EEF1E1: variants seen among roughly 807,000 people sequenced by gnomAD.
EEF1E1 encodes eukaryotic translation elongation factor 1 epsilon 1.
In EEF1E1, 19 loss-of-function variants were observed where a neutral mutation model predicts 19.9. The observed-to-expected ratio is 0.95, with a 90% confidence interval of 0.66 to 1.40. The LOEUF (loss-of-function observed/expected upper bound fraction) is 1.40, where lower values mean the gene tolerates loss of function less well. Among genes scored for constraint, EEF1E1 ranks in the 40% most tolerant of loss-of-function variants. The pLI is 0.00. For synonymous variants in EEF1E1, 81 were observed against 80.0 expected (o/e 1.01, Z -0.07); for missense variants, 198 against 202.2 (o/e 0.98, Z 0.13).
chr6:8,085,254 C>T (rs1362478686), intron 3 of EEF1E1, among the ~76,000 whole-genome samples: 2 of 151,998 alleles, frequency 1.3e-5, no homozygotes, highest in Non-Finnish European at 2.9e-5. Context: ...CTCAGAAGAT[C>T]CTCCTACCTC....
intron 3 of EEF1E1, among the ~76,000 whole-genome samples, chr6:8,086,880 T>C (rs1757871907): frequency 6.6e-6 from 1 of 152,174 alleles, no homozygotes; most frequent in South Asian, 2.1e-4. Context: ...GCTACAATCA[T>C]TGAGTCAAAC....
At chr6:8,099,940 A>G (rs558403791) in intron 1 of EEF1E1, among the ~76,000 whole-genome samples, 21 of 146,218 alleles carry the variant, frequency 1.4e-4, no homozygotes, top group African/African-American at 5.4e-4. Context: ...TATCCTAGAT[A>G]AGGATCTCTG....
At chr6:8,080,504 C>A (rs1028312523) in intron 3 of EEF1E1, among the ~76,000 whole-genome samples, 1 of 152,188 alleles carries the variant, frequency 6.6e-6, no homozygotes, top group African/African-American at 2.4e-5. Context: ...TGCATGAGAA[C>A]AGACCTTCAT....
chr6:8,084,452 C>A (rs1757795668), intron 3 of EEF1E1, among the ~76,000 whole-genome samples: 1 of 152,162 alleles, frequency 6.6e-6, no homozygotes, highest in Non-Finnish European at 1.5e-5. Context: ...TACTGCAAAA[C>A]CTGCATAAGC....
intron 3 of EEF1E1, among the ~76,000 whole-genome samples, chr6:8,084,997 C>A (rs914772496): frequency 6.6e-6 from 1 of 152,060 alleles, no homozygotes; most frequent in African/African-American, 2.4e-5. Flanking sequence ...CATATTGAAC[C>A]TAGCATGGAA....
At chr6:8,101,243 A>AATATATATAT (rs1216617377) in intron 1 of EEF1E1, among the ~76,000 whole-genome samples, 4 of 58,454 alleles carry the variant, frequency 6.8e-5, no homozygotes, top group South Asian at 7.4e-4. Context: ...AAAAAAAAAA[A>AATATATATAT]ATATATATAT....
chr6:8,087,756 G>T (rs1757901670), intron 3 of EEF1E1, among the ~76,000 whole-genome samples: 1 of 152,192 alleles, frequency 6.6e-6, no homozygotes, highest in South Asian at 2.1e-4. Flanking sequence ...ATGAACAAAA[G>T]ATTCTAAATA....
At chr6:8,083,690 G>A (rs1430452343) in intron 3 of EEF1E1, among the ~76,000 whole-genome samples, 2 of 152,200 alleles carry the variant, frequency 1.3e-5, no homozygotes, top group Non-Finnish European at 2.9e-5. Flanking sequence ...TGACTCGAAG[G>A]TTCCTTGACT....
At chr6:8,083,148 G>T (rs1008961708) in intron 3 of EEF1E1, among the ~76,000 whole-genome samples, 1 of 152,168 alleles carries the variant, frequency 6.6e-6, no homozygotes, top group African/African-American at 2.4e-5. Flanking sequence ...TTAAAGCCAA[G>T]CAGATAATAT....
intron 3 of EEF1E1, among the ~76,000 whole-genome samples, chr6:8,073,741 T>C (rs559377170): frequency 6.6e-6 from 1 of 152,366 alleles, no homozygotes; most frequent in East Asian, 1.9e-4. Flanking sequence ...GAAATTGTAT[T>C]ATATCCCAAT....
chr6:8,086,274 T>C (rs1757851422), intron 3 of EEF1E1, among the ~76,000 whole-genome samples: 1 of 151,642 alleles, frequency 6.6e-6, no homozygotes, highest in Non-Finnish European at 1.5e-5. Context: ...AGCCCAGGAG[T>C]TCTGGAGGGA....
rs577196101 is a variant in EEF1E1, at chr6:8,090,446, G to T, written c.289-165C>A. On this transcript the variant is annotated intron_variant, in intron 2 of 3. Transcript: ENST00000379715. ...ATTCATTCAAAATCACAAATAATAC[G>T]CCAGTCACCTCATTTTAAAAAAATT... Among the ~76,000 whole-genome samples, 19 of 151,868 alleles carry T rather than the reference G, an allele frequency of 1.3e-4. No homozygotes were observed. In the South Asian group the frequency reaches 3.9e-3, roughly 32 times the overall value.
chr6:8,084,689 T>G (rs1019384048), intron 3 of EEF1E1, among the ~76,000 whole-genome samples: 5 of 152,210 alleles, frequency 3.3e-5, no homozygotes, highest in African/African-American at 1.2e-4. Flanking sequence ...AAGTTAAATG[T>G]CAAACCATAT....
rs1389450612 is a variant in EEF1E1 at position 8,090,210 on chromosome 6, C to T, written c.360G>A (p.Leu120=). 3.3e-6 allele frequency: 5 copies of T among 1,527,328 alleles called. No homozygotes were observed. Among genetic ancestry groups the T allele is most frequent in the East Asian group, 2.5e-5 (1 of 39,858 alleles). The allele number at this position is 1,527,328 out of a possible 1,614,324, so 94.6% of individuals were successfully genotyped here. ...CTATAAAGCGATGAAGTCCATAGTACAATAGTATATCTGCTAATGTAAAGT... is the reference window on the plus strand; with the variant it reads ...CTATAAAGCGATGAAGTCCATAGTATAATAGTATATCTGCTAATGTAAAGT... ...GYNFTLADIL[L]YYGLHRFIVD... is the part of the protein sequence containing the mutation. The change falls in exon 3 of 4, where the codon TTG becomes TTA. Residue 120 remains leucine, a synonymous_variant. Coordinates refer to ENST00000379715, the MANE Select transcript of EEF1E1 (RefSeq NM_004280.5).
At chr6:8,083,800 G>A (rs754778711) in intron 3 of EEF1E1, among the ~76,000 whole-genome samples, 5 of 152,178 alleles carry the variant, frequency 3.3e-5, no homozygotes, top group Non-Finnish European at 7.4e-5. Flanking sequence ...TATTGCCAAA[G>A]CAAACAAAGC....
rs575826954 is a variant in EEF1E1 at position 8,102,509 on chromosome 6, C to A, written c.13G>T (p.Ala5Ser). MAAA[A>S]ELSLLEKSLG... ...GACTTCTCCAGTAGCGACAACTCTG[C>A]GGCCGCCGCCATCTTCCGGCCGTAG... The change falls in exon 1 of 4, where the codon GCA becomes TCA. Residue 5 changes from alanine to serine, a missense_variant. Transcript: ENST00000379715. 4 of 1,610,866 alleles carry A rather than the reference C, an allele frequency of 2.5e-6. No individual in the cohort carries two copies. In the South Asian group the frequency reaches 3.3e-5, roughly 13 times the overall value.
rs199998869 is a variant in EEF1E1, at chr6:8,102,548, C to T, written c.-27G>A. ...TTCCGGCCGTAGCTCCTGGCAGACG[C>T]GAGACCTGCAGAACAAGAACCTCCC... On this transcript the variant is annotated 5_prime_UTR_variant, in exon 1 of 4. Coordinates refer to ENST00000379715, the MANE Select transcript of EEF1E1 (RefSeq NM_004280.5). 3.1e-6 allele frequency: 5 copies of T among 1,605,176 alleles called. No homozygotes were observed. The highest frequency in any genetic ancestry group is 4.2e-6 in the Non-Finnish European group (5 of 1,178,614).
chr6:8,082,082 A>G (rs921764959), intron 3 of EEF1E1, among the ~76,000 whole-genome samples: 2 of 152,346 alleles, frequency 1.3e-5, no homozygotes, highest in African/African-American at 4.8e-5. Context: ...GAGGACTAGT[A>G]TAAGTTGCTT....
In EEF1E1 at chr6:8,095,565, G is replaced by GTT. The variant is rs34723432; in HGVS notation, c.288+1700_288+1701dup. On this transcript the variant is annotated intron_variant, in intron 2 of 3. Coordinates refer to ENST00000379715, the MANE Select transcript of EEF1E1 (RefSeq NM_004280.5). ...AGGTTACCATGCCCAGTAGGTGCCTGTTTTTTTTTTTTTTTAATACATGCA... is the reference window on the plus strand; with the variant it reads ...AGGTTACCATGCCCAGTAGGTGCCTGTTTTTTTTTTTTTTTTTAATACATGCA... The GTT allele has an allele frequency of 3.5e-3, 522 of 148,564 alleles. 1 individual carries two copies. The highest frequency in any genetic ancestry group is 0.016 in the South Asian group (114 of 7,222). 9.2% of individuals were successfully genotyped at this position (148,564 alleles called of 1,614,324 possible).
Sources: gnomAD v4.1 joint callset for allele counts (sites outside exome capture counted in the v4.1 genomes callset) on GRCh38, gnomAD v4.1.1 for gene constraint, MANE v1.5 for transcripts, NCBI Gene and HGNC (gene_info 2026-07-23, HGNC 2026-07-21) for gene names.